Variants in CRISP1 observed in about 807,000 individuals in gnomAD.
CRISP1 encodes the protein cysteine rich secretory protein 1, also known as cysteine-rich secretory protein 1.
A neutral mutation model predicts 33.1 loss-of-function variants in CRISP1; 44 were observed. That is an observed-to-expected ratio of 1.33 (90% CI 1.05 to 1.71). The LOEUF (loss-of-function observed/expected upper bound fraction) is 1.71. Among genes scored for constraint, CRISP1 ranks in the 40% most tolerant of loss-of-function variants. The probability of loss-of-function intolerance (pLI) is 0.00; values close to 1 mark genes in which losing one functional copy is unlikely to be tolerated. For synonymous variants in CRISP1, 103 were observed against 98.7 expected (o/e 1.04, Z -0.26); for missense variants, 390 against 301.2 (o/e 1.29, Z -2.18).
At chr6:49,855,952 G>T (rs752268771) in intron 2 of CRISP1, among the ~76,000 whole-genome samples, 1 of 152,080 alleles carries the variant, frequency 6.6e-6, no homozygotes, top group Non-Finnish European at 1.5e-5. Flanking sequence ...TTATCTTCTT[G>T]TTTAAATTTA....
intron 5 of CRISP1, among the ~76,000 whole-genome samples, chr6:49,844,585 AG>A (rs1324387179): frequency 6.6e-6 from 1 of 152,076 alleles, no homozygotes; most frequent in Non-Finnish European, 1.5e-5. Flanking sequence ...ACTGAGCTAA[AG>A]GGAAGAGGCT....
intron 1 of CRISP1, among the ~76,000 whole-genome samples, chr6:49,857,747 A>G (rs974252484): frequency 6.6e-6 from 1 of 152,226 alleles, no homozygotes; most frequent in Admixed American, 6.5e-5. Flanking sequence ...AGGTGGACCC[A>G]ATGTAATCAC....
upstream of CRISP1, among the ~76,000 whole-genome samples, chr6:49,868,019 C>A (rs1489309577): frequency 6.6e-6 from 1 of 152,144 alleles, no homozygotes; most frequent in Non-Finnish European, 1.5e-5. Context: ...GATTCAACAT[C>A]AAGTCAAGTG....
At chr6:49,848,022 G>T (rs1026554420) in intron 4 of CRISP1, among the ~76,000 whole-genome samples, 187 bp downstream of exon 4, 2 of 152,078 alleles carry the variant, frequency 1.3e-5, no homozygotes, top group Non-Finnish European at 2.9e-5. Context: ...AAAACTTAAA[G>T]ATATAAACCT....
intron 5 of CRISP1, among the ~76,000 whole-genome samples, chr6:49,845,469 C>T (rs957679264): frequency 2.0e-5 from 3 of 152,112 alleles, no homozygotes; most frequent in African/African-American, 7.2e-5. Context: ...GCATCCTAAG[C>T]AGATTAATAG....
At chr6:49,874,106 A>C (rs1403100326) in intron 1 of CRISP1, among the ~76,000 whole-genome samples, 1 of 152,082 alleles carries the variant, frequency 6.6e-6, no homozygotes, top group Non-Finnish European at 1.5e-5. Context: ...CAAAGTTAGA[A>C]AAAAAATAAA....
At chr6:49,855,340 A>G (rs1561946274) in intron 2 of CRISP1, among the ~76,000 whole-genome samples, 1 of 152,188 alleles carries the variant, frequency 6.6e-6, no homozygotes, top group South Asian at 2.1e-4. Flanking sequence ...GAAGTCTTCA[A>G]CAGTTTACCA....
At chr6:49,846,491 ATG>A in intron 5 of CRISP1, 27 bp downstream of exon 5, 1 of 1,605,728 alleles carries the variant, frequency 6.2e-7, no homozygotes, top group Non-Finnish European at 8.5e-7. Context: ...CTCTTAAACA[ATG>A]TGTGTGTTTG....
intron 2 of CRISP1, among the ~76,000 whole-genome samples, chr6:49,854,278 C>T (rs969328174): frequency 3.9e-5 from 6 of 152,170 alleles, no homozygotes; most frequent in African/African-American, 9.7e-5. Context: ...ACCATTCCCC[C>T]AAATCTTACA....
At chr6:49,842,462 G>A (rs1310031271) in intron 5 of CRISP1, among the ~76,000 whole-genome samples, 1 of 151,736 alleles carries the variant, frequency 6.6e-6, no homozygotes, top group Non-Finnish European at 1.5e-5. Context: ...TTTTCATTAG[G>A]TCTTCAGACA....
At chr6:49,874,616 A>C (rs1253410076) in intron 1 of CRISP1, among the ~76,000 whole-genome samples, 1 of 152,122 alleles carries the variant, frequency 6.6e-6, no homozygotes, top group East Asian at 1.9e-4. Context: ...CAAAAACTTC[A>C]GGTCAATATC....
chr6:49,851,915 C>T (rs1771353925), intron 3 of CRISP1, 86 bp downstream of exon 3: 2 of 1,460,070 alleles, frequency 1.4e-6, no homozygotes, highest in East Asian at 2.4e-5. Context: ...ACTTTTAGCA[C>T]TTTGAAAGTG....
At chr6:49,860,323 T>C (rs1411799982) in intron 1 of CRISP1, among the ~76,000 whole-genome samples, 2 of 152,164 alleles carry the variant, frequency 1.3e-5, no homozygotes, top group African/African-American at 4.8e-5. Flanking sequence ...TGCACATTCC[T>C]CTCATCAGCA....
Position 49,848,201 on chromosome 6 carries a change from A to G in CRISP1, c.286+8T>C. On this transcript the variant is annotated splice_region_variant and intron_variant, in intron 4 of 7. Coordinates refer to ENST00000335847, the MANE Select transcript of CRISP1 (RefSeq NM_001131.3). ...GTCCAAAGGCGGGTCATATAGATAC[A>G]CACTTACTTGGAAGTCTCCTCTCAA... is the stretch of plus-strand genomic sequence containing the variant. 1.3e-6 allele frequency: 2 copies of G among 1,536,468 alleles called. No individual in the cohort carries two copies. The highest frequency in any genetic ancestry group is 1.2e-5 in the South Asian group (1 of 83,054).
chr6:49,876,835 G>A (rs1278838392), intron 1 of CRISP1, among the ~76,000 whole-genome samples: 1 of 151,948 alleles, frequency 6.6e-6, no homozygotes, highest in Non-Finnish European at 1.5e-5. Context: ...GCTGAATGAT[G>A]AGAATGCATG....
chr6:49,867,887 C>T (rs1454099708), upstream of CRISP1, among the ~76,000 whole-genome samples: 1 of 152,130 alleles, frequency 6.6e-6, no homozygotes, highest in Non-Finnish European at 1.5e-5. Flanking sequence ...CAACAAACTA[C>T]ATTGTAAAAA....
chr6:49,870,025 C>T (rs963169721), upstream of CRISP1, among the ~76,000 whole-genome samples: 2 of 152,154 alleles, frequency 1.3e-5, no homozygotes, highest in African/African-American at 4.8e-5. Flanking sequence ...TGATCTTGGA[C>T]TTCCCAGCCT....
At chr6:49,840,346 T>G (rs1371555275) in intron 6 of CRISP1, among the ~76,000 whole-genome samples, 2 of 152,160 alleles carry the variant, frequency 1.3e-5, no homozygotes, top group Non-Finnish European at 2.9e-5. Flanking sequence ...CTAGTATCTG[T>G]GGTAGAATCT....
At chr6:49,850,309 T>C (rs2127473612) in intron 3 of CRISP1, among the ~76,000 whole-genome samples, 1 of 152,264 alleles carries the variant, frequency 6.6e-6, no homozygotes, top group Non-Finnish European at 1.5e-5. Flanking sequence ...GGTTAAAATA[T>C]AGCAGGATGT....
Sources: allele counts gnomAD v4.1 joint callset (sites outside exome capture counted in the v4.1 genomes callset), GRCh38; gene constraint gnomAD v4.1.1; transcripts MANE v1.5; gene names NCBI Gene and HGNC (gene_info 2026-07-23, HGNC 2026-07-21).